The following SGCD variants were observed in gnomAD, a reference collection of about 807,000 sequenced individuals.
SGCD encodes sarcoglycan delta, also known as delta-sarcoglycan.
SGCD carries 18 observed loss-of-function variants against 36.6 expected under a neutral mutation model. The ratio of observed to expected loss-of-function variants is 0.49; its 90% CI spans 0.34 to 0.73. The LOEUF (loss-of-function observed/expected upper bound fraction) is 0.73. Among genes scored for constraint, SGCD ranks in the 30% least tolerant of loss-of-function variants. SGCD has a pLI of 0.01. For missense variants in SGCD, 387 were observed against 346.7 expected (o/e 1.12, Z -0.92); for synonymous variants, 133 against 130.6 (o/e 1.02, Z -0.12).
chr5:156,515,894 C>G (rs1757136454), intron 4 of SGCD, among the ~76,000 whole-genome samples: 1 of 152,270 alleles, frequency 6.6e-6, no homozygotes, highest in African/African-American at 2.4e-5. Context: ...AACACAGCAG[C>G]TGTAGCAGAT....
intron 3 of SGCD, among the ~76,000 whole-genome samples, chr5:156,395,693 C>T (rs1771809378): frequency 6.6e-6 from 1 of 152,104 alleles, no homozygotes; most frequent in Non-Finnish European, 1.5e-5. Context: ...CCAACATTTG[C>T]AGAGAGGAAA....
chr5:156,583,623 T>C (rs746195297), intron 4 of SGCD, among the ~76,000 whole-genome samples: 9 of 152,216 alleles, frequency 5.9e-5, no homozygotes, highest in Non-Finnish European at 8.8e-5. Context: ...CAGTGACTTC[T>C]CATTTCTGAA....
At chr5:156,079,028 A>C (rs1383560842) in intron 1 of SGCD, among the ~76,000 whole-genome samples, 1 of 149,676 alleles carries the variant, frequency 6.7e-6, no homozygotes, top group Non-Finnish European at 1.5e-5. Flanking sequence ...TAAAAAAAAA[A>C]AAAAAAAAAG....
the SGCD span, among the ~76,000 whole-genome samples, chr5:155,836,766 T>C: frequency 1.3e-5 from 2 of 152,200 alleles, no homozygotes; most frequent in Admixed American, 1.3e-4. Flanking sequence ...CTCCTCCTTC[T>C]AGCATAGAAA....
At chr5:155,786,025 A>G in the SGCD span, among the ~76,000 whole-genome samples, 1 of 152,188 alleles carries the variant, frequency 6.6e-6, no homozygotes, top group African/African-American at 2.4e-5. Flanking sequence ...ATTCATGACA[A>G]CATCTGTTTG....
rs1288223756 is a variant in SGCD, at chr5:156,604,699, T to A, written c.502+9648T>A. Among the ~76,000 whole-genome samples the A allele has an allele frequency of 4.7e-5, 3 of 63,814 alleles. 1 individual carries two copies. In the South Asian group the frequency reaches 1.5e-3, roughly 33 times the overall value. The allele number at this position is 63,814 out of a possible 152,430, so 41.9% of individuals were successfully genotyped here. A position where few individuals can be genotyped will look rare whatever the true frequency, so the allele number is the denominator to read the frequency against. ...ATTAGTATATATAGTATATCCATTA[T>A]ACATATACATGAAATATATGCACAT... On this transcript the variant is annotated intron_variant, in intron 6 of 8. Coordinates refer to ENST00000337851, the MANE Select transcript of SGCD (RefSeq NM_000337.6).
In SGCD at chr5:156,063,470, G is replaced by C. The variant is rs901854790; in HGVS notation, c.-281-54408G>C. Among the ~76,000 whole-genome samples, 4 of 127,754 alleles carry C rather than the reference G, an allele frequency of 3.1e-5. 1 individual carries two copies. The highest frequency in any genetic ancestry group is 1.5e-4 in the Admixed American group (2 of 13,178). 83.8% of individuals were successfully genotyped at this position (127,754 alleles called of 152,430 possible). On this transcript the variant is annotated intron_variant, in intron 1 of 9. Transcript: ENST00000517913. ...AAGTAGTTTTTTCCAATTCTGTGAA[G>C]AAAGTCATTGGTAGCTTTATGGGGA...
chr5:156,124,462 C>A (rs532842438), intron 3 of SGCD, among the ~76,000 whole-genome samples: 1 of 152,180 alleles, frequency 6.6e-6, no homozygotes, highest in East Asian at 1.9e-4. Context: ...TCCTTAAGGT[C>A]TTTAGGGGAG....
intron 6 of SGCD, among the ~76,000 whole-genome samples, chr5:156,619,226 C>T (rs556992617): frequency 6.6e-6 from 1 of 152,190 alleles, no homozygotes; most frequent in Admixed American, 6.5e-5. Flanking sequence ...GGGGTTTCAC[C>T]GTGTTAACCA....
the SGCD span, among the ~76,000 whole-genome samples, chr5:155,842,722 A>G: frequency 6.6e-6 from 1 of 152,244 alleles, no homozygotes; most frequent in Admixed American, 6.5e-5. Context: ...ATAAATTAGC[A>G]CAGCATCACA....
chr5:156,565,365 T>C (rs1759433173), intron 4 of SGCD, among the ~76,000 whole-genome samples: 1 of 152,200 alleles, frequency 6.6e-6, no homozygotes, highest in South Asian at 2.1e-4. Flanking sequence ...ATTTCAGTAA[T>C]ATTTTTTTAA....
chr5:156,647,596 G>A (rs1267181852), intron 7 of SGCD, 60 bp downstream of exon 7: 1 of 1,059,082 alleles, frequency 9.4e-7, no homozygotes, highest in Non-Finnish European at 1.4e-6. Flanking sequence ...TGTGCAACTG[G>A]CCAGTGATTC....
intron 7 of SGCD, among the ~76,000 whole-genome samples, chr5:156,667,748 G>A (rs111661062): frequency 4.5e-4 from 68 of 152,272 alleles, no homozygotes; most frequent in African/African-American, 1.5e-3. Flanking sequence ...AACACAGGAC[G>A]AGTTCTGAAC....
At chr5:156,240,797 TCAGTCAGCAA>T (rs1765287167) in intron 3 of SGCD, among the ~76,000 whole-genome samples, 1 of 152,186 alleles carries the variant, frequency 6.6e-6, no homozygotes, top group Admixed American at 6.5e-5. Context: ...TTACAAAGTA[TCAGTCAGCAA>T]CAATTTGAGT....
At chr5:155,783,788 C>T in the SGCD span, among the ~76,000 whole-genome samples, 1 of 152,178 alleles carries the variant, frequency 6.6e-6, no homozygotes, top group African/African-American at 2.4e-5. Context: ...AAAGCATTCT[C>T]TTCCCTTTGT....
chr5:156,023,978 C>G (rs780434715), intron 1 of SGCD, among the ~76,000 whole-genome samples: 1 of 152,168 alleles, frequency 6.6e-6, no homozygotes. Flanking sequence ...CAGAAAGGCT[C>G]TTAGGACAGG....
the SGCD span, among the ~76,000 whole-genome samples, chr5:155,747,697 C>T: frequency 3.3e-5 from 5 of 152,146 alleles, no homozygotes; most frequent in Non-Finnish European, 7.3e-5. Context: ...TAGTGCTTGT[C>T]ATATTCCATG....
At chr5:156,729,356 T>C (rs938255658) in intron 7 of SGCD, among the ~76,000 whole-genome samples, 1 of 152,176 alleles carries the variant, frequency 6.6e-6, no homozygotes, top group Non-Finnish European at 1.5e-5. Context: ...TCTCTATCTC[T>C]CCGGTGAAAA....
chr5:156,559,361 C>A (rs1044147454), intron 4 of SGCD, among the ~76,000 whole-genome samples: 2 of 152,114 alleles, frequency 1.3e-5, no homozygotes, highest in Non-Finnish European at 1.5e-5. Flanking sequence ...AGAAAGGTAT[C>A]AGTAGGTCAG....
Sources: gnomAD v4.1 joint callset for allele counts (sites outside exome capture counted in the v4.1 genomes callset) on GRCh38, gnomAD v4.1.1 for gene constraint, MANE v1.5 for transcripts, NCBI Gene and HGNC (gene_info 2026-07-23, HGNC 2026-07-21) for gene names.